PRKCB: variants seen among roughly 807,000 people sequenced by gnomAD.
PRKCB encodes the protein protein kinase C beta type.
In PRKCB, 13 loss-of-function variants were observed where a neutral mutation model predicts 81.5. That is an observed-to-expected ratio of 0.16 (90% CI 0.10 to 0.25). The LOEUF is 0.25. Ranked by LOEUF, PRKCB falls within the 10% of genes least tolerant of loss-of-function variation. The pLI is 1.00. For missense variants in PRKCB, 509 were observed against 875.7 expected, an observed-to-expected ratio of 0.58 and a Z score of 5.29; for synonymous variants, 335 against 321.4, an observed-to-expected ratio of 1.04 and a Z score of -0.45.
intron 10 of PRKCB, among the ~76,000 whole-genome samples, chr16:24,158,541 A>ATATGTATAT (rs1567395933): frequency 9.5e-6 from 1 of 105,668 alleles, no homozygotes; most frequent in African/African-American, 3.8e-5. Context: ...TATATGTATA[A>ATATGTATAT]GTATATGTAT....
chr16:23,926,607 G>A (rs759918189), intron 2 of PRKCB, among the ~76,000 whole-genome samples: 9 of 150,712 alleles, frequency 6.0e-5, no homozygotes, highest in Non-Finnish European at 8.9e-5. Flanking sequence ...ACACACATAC[G>A]TGTATATATG....
intron 2 of PRKCB, among the ~76,000 whole-genome samples, chr16:23,955,073 G>A (rs895104792): frequency 6.6e-6 from 1 of 152,050 alleles, no homozygotes; most frequent in Admixed American, 6.5e-5. Flanking sequence ...GGATCAGTAG[G>A]GAAAAAATTA....
At chr16:24,096,652 C>CAAA (rs1219127854) in intron 7 of PRKCB, among the ~76,000 whole-genome samples, 35 of 41,770 alleles carry the variant, frequency 8.4e-4, no homozygotes, top group African/African-American at 1.5e-3. Context: ...CTTCCTATGG[C>CAAA]AAAAAAAAAA....
intron 5 of PRKCB, among the ~76,000 whole-genome samples, chr16:24,046,736 C>A (rs1230856116): frequency 6.6e-6 from 1 of 152,136 alleles, no homozygotes; most frequent in African/African-American, 2.4e-5. Context: ...GCAGGGACAG[C>A]CAGTTAGGCT....
At chr16:23,871,858 GTTTTTTTT>G (rs61498403) in intron 2 of PRKCB, among the ~76,000 whole-genome samples, 363 of 146,830 alleles carry the variant, frequency 2.5e-3, no homozygotes, top group African/African-American at 4.1e-3. Flanking sequence ...AGTTATACAG[GTTTTTTTT>G]TTTTTTTTTT....
chr16:24,205,814 G>T (rs1265052931), intron 16 of PRKCB, among the ~76,000 whole-genome samples: 1 of 152,120 alleles, frequency 6.6e-6, no homozygotes, highest in Non-Finnish European at 1.5e-5. Context: ...AACAGAGAAT[G>T]AACATGTATT....
intron 9 of PRKCB, among the ~76,000 whole-genome samples, chr16:24,134,292 G>A (rs898885840): frequency 1.3e-5 from 2 of 151,780 alleles, no homozygotes; most frequent in East Asian, 1.9e-4. Flanking sequence ...GTTACAAAAC[G>A]ATTACAAGAG....
chr16:24,220,273 G>T lies in PRKCB; in HGVS notation c.*5457G>T, dbSNP rs1034409351. On this transcript the variant is annotated 3_prime_UTR_variant, in exon 17 of 17. Transcript: ENST00000643927. ...CTTTGTATGTGTAGCTTGCTAGTTT[G>T]TTTTCTACATTTGAAAATGTTTAGT... The T allele has an allele frequency of 1.2e-5, 10 of 812,918 alleles. No individual in the cohort carries two copies. The highest frequency in any genetic ancestry group is 3.5e-4 in the Middle Eastern group (1 of 2,868). 50.4% of individuals were successfully genotyped at this position (812,918 alleles called of 1,614,324 possible).
chr16:23,969,149 G>A (rs567802829), intron 2 of PRKCB, among the ~76,000 whole-genome samples: 3 of 152,190 alleles, frequency 2.0e-5, no homozygotes, highest in African/African-American at 4.8e-5. Context: ...CAGCCTGGGC[G>A]ACAGGGTGAG....
At chr16:24,201,609 C>A (rs149140624) in intron 16 of PRKCB, among the ~76,000 whole-genome samples, 1 of 152,280 alleles carries the variant, frequency 6.6e-6, no homozygotes, top group African/African-American at 2.4e-5. Flanking sequence ...GCTGATTGAC[C>A]GGGCCTGGGT....
intron 13 of PRKCB, 101 bp downstream of exon 13, chr16:24,181,029 G>A: frequency 7.0e-7 from 1 of 1,424,162 alleles, no homozygotes; most frequent in Non-Finnish European, 9.5e-7. Context: ...TACCTTGCAA[G>A]GGAACCTCGG....
chr16:23,978,324 A>G (rs1159290337), intron 2 of PRKCB, among the ~76,000 whole-genome samples: 3 of 152,166 alleles, frequency 2.0e-5, no homozygotes, highest in Non-Finnish European at 2.9e-5. Context: ...CCAGCCTTGC[A>G]TCACTCAGTC....
At chr16:24,144,560 C>G (rs925411840) in intron 9 of PRKCB, among the ~76,000 whole-genome samples, 1 of 152,224 alleles carries the variant, frequency 6.6e-6, no homozygotes, top group Admixed American at 6.5e-5. Flanking sequence ...CTTGGCCTCC[C>G]AAAGTGCCGG....
chr16:23,930,652 A>G (rs1368904708), intron 2 of PRKCB, among the ~76,000 whole-genome samples: 3 of 152,128 alleles, frequency 2.0e-5, no homozygotes, highest in Non-Finnish European at 4.4e-5. Context: ...TTCAGCTTTC[A>G]ATGTCTGTCT....
At chr16:24,097,065 C>G (rs1189499329) in intron 7 of PRKCB, among the ~76,000 whole-genome samples, 3 of 98,756 alleles carry the variant, frequency 3.0e-5, no homozygotes, top group Admixed American at 1.6e-4. Context: ...GAGACGGAGT[C>G]TTGCTCTGTC....
chr16:24,209,859 T>C (rs1178578040), intron 16 of PRKCB, among the ~76,000 whole-genome samples: 3 of 152,022 alleles, frequency 2.0e-5, no homozygotes, highest in Non-Finnish European at 2.9e-5. Context: ...ATTCCAGAAC[T>C]TTGGGAGGCT....
At chr16:24,104,321 T>C (rs1966549085) in intron 7 of PRKCB, among the ~76,000 whole-genome samples, 1 of 152,240 alleles carries the variant, frequency 6.6e-6, no homozygotes, top group Non-Finnish European at 1.5e-5. Flanking sequence ...TAATGCGTTT[T>C]CTCTATAATT....
At chr16:24,078,411 G>T (rs1371549524) in intron 5 of PRKCB, among the ~76,000 whole-genome samples, 1 of 152,218 alleles carries the variant, frequency 6.6e-6, no homozygotes, top group African/African-American at 2.4e-5. Context: ...CTTGAGGCAG[G>T]AGGTGGTCTC....
intron 3 of PRKCB, among the ~76,000 whole-genome samples, chr16:23,992,321 T>G (rs1315508691): frequency 1.3e-5 from 2 of 152,170 alleles, no homozygotes; most frequent in East Asian, 3.8e-4. Context: ...CTGAATTGGT[T>G]TCGGGGATTT....
Sources: allele counts gnomAD v4.1 joint callset (sites outside exome capture counted in the v4.1 genomes callset), GRCh38; gene constraint gnomAD v4.1.1; transcripts MANE v1.5; gene names NCBI Gene and HGNC (gene_info 2026-07-23, HGNC 2026-07-21).